Variants in TROAP observed in about 807,000 individuals in gnomAD.
The protein encoded by TROAP is trophinin associated protein, also known as tastin.
A neutral mutation model predicts 83.4 loss-of-function variants in TROAP; 62 were observed. The ratio of observed to expected loss-of-function variants is 0.74; its 90% confidence interval spans 0.61 to 0.92. The LOEUF (loss-of-function observed/expected upper bound fraction) is 0.92. Among genes scored for constraint, TROAP ranks in the 40% least tolerant of loss-of-function variants. The pLI is 0.00. For synonymous variants in TROAP, 352 were observed against 386.4 expected (o/e 0.91, Z 1.04); for missense variants, 876 against 985.1 (o/e 0.89, Z 1.48).
At chr12:49,323,458 C>G in intron 1 of TROAP, 109 bp downstream of exon 1, 1 of 1,056,402 alleles carries the variant, frequency 9.5e-7, no homozygotes. Flanking sequence ...GGAGATAGCA[C>G]CCATAAGAGC....
rs138169939 is a variant in TROAP at position 49,330,145 on chromosome 12, C to T, written c.1300C>T (p.Arg434Cys). The T allele has an allele frequency of 1.4e-5, 23 of 1,612,976 alleles. No homozygotes were observed. Among genetic ancestry groups the T allele is most frequent in the Middle Eastern group, 1.6e-4 (1 of 6,064 alleles). ...ACTGGGGTGCTCTCTCCCACCACAG[C>T]GCATCGGTATCCTGCAACAGCTGTT... ...TPSLQEVKIQ[R>C]IGILQQLLRQ... Residue 434 changes from arginine (R) to cysteine (C), a missense_variant and splice_region_variant, in exon 13 of 15, where the codon CGC (arginine) becomes TGC (cysteine). Coordinates refer to ENST00000257909, the MANE Select transcript of TROAP (RefSeq NM_005480.4).
At chr12:49,326,646 C>T in intron 6 of TROAP, 22 bp from the exon 7 acceptor site, 1 of 1,552,382 alleles carries the variant, frequency 6.4e-7, no homozygotes, top group Non-Finnish European at 8.7e-7. Context: ...TGACTGCTGG[C>T]TAATGTCCTT....
rs150889662 is a variant in TROAP at position 49,328,313 on chromosome 12, C to T, written c.892-614C>T. ...GATCTCCGCTCATTGCAACCTCTGC[C>T]TCCTGGGTTCAAGTGATTCTCCTGC... On this transcript the variant is annotated intron_variant, in intron 8 of 14. Coordinates refer to ENST00000257909, the MANE Select transcript of TROAP (RefSeq NM_005480.4). 3.9e-3 allele frequency among the ~76,000 whole-genome samples: 591 copies of T among 149,848 alleles called. 3 individuals are homozygous for T. The highest frequency in any genetic ancestry group is 0.014 in the African/African-American group (558 of 40,632).
In TROAP at chr12:49,323,697, C is replaced by A. The variant is rs376354528; in HGVS notation, c.89C>A (p.Thr30Lys). Residue 30 changes from threonine (T) to lysine (K), a missense_variant, in exon 2 of 15, where the codon ACG becomes AAG. Thr to Lys is a moderately conservative substitution (Grantham distance 78, BLOSUM62 -1). Transcript: ENST00000257909. ...ATTCCGGTACGCTCTCAGAAACGCA[C>A]GCCTTTCCCCACTGTTACATCGTGC... ...SKIPVRSQKRTPFPTVTSCAV... is the reference protein window; with the variant it reads ...SKIPVRSQKRKPFPTVTSCAV... 4 of 1,614,148 alleles carry A rather than the reference C, an allele frequency of 2.5e-6. No homozygotes were observed. The highest frequency in any genetic ancestry group is 2.5e-6 in the Non-Finnish European group (3 of 1,180,038).
At position 49,327,311 on chromosome 12, in the gene TROAP, G is replaced by C; in HGVS notation, c.872G>C (p.Arg291Pro). The C allele has an allele frequency of 6.2e-7, 1 of 1,614,042 alleles. No homozygotes were observed. The highest frequency in any genetic ancestry group is 8.5e-7 in the Non-Finnish European group (1 of 1,179,944). The change falls in exon 8 of 15, where the codon CGA becomes CCA. Residue 291 changes from arginine to proline, a missense_variant. Coordinates refer to ENST00000257909, the MANE Select transcript of TROAP (RefSeq NM_005480.4). ...LAQRVPLREN[R>P]EMSHTRDSHD... ...CAGCGAGTACCATTAAGAGAAAACC[G>C]AGAAATGTCACATACCAGGGTGAGA...
chr12:49,325,486 C>T lies in TROAP; in HGVS notation c.338-15C>T. The T allele has an allele frequency of 1.2e-6, 2 of 1,610,130 alleles. No homozygotes were observed. The highest frequency in any genetic ancestry group is 1.7e-6 in the Non-Finnish European group (2 of 1,178,032). On this transcript the variant is annotated splice_polypyrimidine_tract_variant and intron_variant, in intron 3 of 14. Transcript: ENST00000257909. ...AGCCTTCCCCCTTCCTTTTCCTTCTCCTCTTTCCTTGCAGAGGCTCCAGGG... is the reference window on the plus strand; with the variant it reads ...AGCCTTCCCCCTTCCTTTTCCTTCTTCTCTTTCCTTGCAGAGGCTCCAGGG...
rs201119814 is a variant in TROAP, at chr12:49,327,235, G to C, written c.796G>C (p.Glu266Gln). Residue 266 changes from glutamate to glutamine, a missense_variant, in exon 8 of 15, where the codon GAG (glutamate) becomes CAG (glutamine). By Grantham distance (29) the Glu-to-Gln change is conservative. Around this residue, in one of 3 missense-constraint regions of TROAP, gnomAD observed 689 missense variants for 722.6 expected, o/e 0.95. Coordinates refer to ENST00000257909, the MANE Select transcript of TROAP (RefSeq NM_005480.4). ...PAFSLPKGER[E>Q]VVTHSDEGGV... is the part of the protein sequence containing the mutation. ...TTTCTCTCTTCCTAAAGGAGAACGC[G>C]AGGTTGTCACTCACTCAGATGAAGG... The C allele has an allele frequency of 6.2e-7, 1 of 1,614,154 alleles. No homozygotes were observed. The highest frequency in any genetic ancestry group is 1.3e-5 in the African/African-American group (1 of 75,040).
rs375464662 is a variant in TROAP at position 49,329,821 on chromosome 12, C to T, written c.1165-36C>T. The stretch of plus-strand genomic sequence containing the variant: ...CAGGCTGGTCTTTCTCCTGCCCCAG[C>T]CTGGCTTGCTTGTGTGCCTTGTTCC... On this transcript the variant is annotated intron_variant, in intron 11 of 14. Coordinates refer to ENST00000257909, the MANE Select transcript of TROAP (RefSeq NM_005480.4). The surrounding 1 kb of genome is among the most constrained non-coding windows in gnomAD (Gnocchi z 4.5). 1.9e-5 allele frequency: 30 copies of T among 1,608,062 alleles called. No individual in the cohort carries two copies. The African/African-American group carries it at 3.5e-4, about 19-fold the overall frequency.
intron 6 of TROAP, 34 bp downstream of exon 6, chr12:49,326,192 T>C (rs1943498473): frequency 5.0e-6 from 8 of 1,602,278 alleles, no homozygotes; most frequent in Non-Finnish European, 6.8e-6. Context: ...GAAGGTCATC[T>C]GGAAAAGAAT....
chr12:49,325,591 G>T lies in TROAP; in HGVS notation c.428G>T (p.Arg143Leu), dbSNP rs371196627. 3 of 1,613,960 alleles carry T rather than the reference G, an allele frequency of 1.9e-6. No homozygotes were observed. Among genetic ancestry groups the T allele is most frequent in the Non-Finnish European group, 2.5e-6 (3 of 1,180,018 alleles). The part of the protein sequence containing the change: ...GEGVKSCHLG[R>L]QPSLAKRVLV... ...GGTGTGAAGAGCTGTCACCTGGGGC[G>T]CCAGCCTAGTCTGGCTAAAAGAGTA... Residue 143 changes from arginine to leucine, a missense_variant, in exon 4 of 15, where the codon CGC (arginine) becomes CTC (leucine). Coordinates refer to ENST00000257909, the MANE Select transcript of TROAP (RefSeq NM_005480.4).
In TROAP at chr12:49,330,242, T is replaced by C. The variant is rs1304143292; in HGVS notation, c.1397T>C (p.Val466Ala). 2 of 1,614,158 alleles carry C rather than the reference T, an allele frequency of 1.2e-6. No homozygotes were observed. The highest frequency in any genetic ancestry group is 1.3e-5 in the African/African-American group (1 of 75,026). The change falls in exon 13 of 15, where the codon GTT (valine) becomes GCT (alanine). Residue 466 changes from valine (V) to alanine (A), a missense_variant. Val to Ala is a moderately conservative substitution (Grantham distance 64, BLOSUM62 0). Coordinates refer to ENST00000257909, the MANE Select transcript of TROAP (RefSeq NM_005480.4). ...AATGGAGGCTCTTCTCTGGATATGG[T>C]TGAACTTCAGCCCCTGCTGACTGAG... ...PLNGGSSLDM[V>A]ELQPLLTEIS...
intron 8 of TROAP, among the ~76,000 whole-genome samples, chr12:49,328,006 G>A (rs143848085): frequency 5.8e-4 from 88 of 152,138 alleles, no homozygotes; most frequent in African/African-American, 2.0e-3. Context: ...GAGGGAATGT[G>A]CCTGGTGTGT....
At position 49,325,747 on chromosome 12, in the gene TROAP, G is replaced by C; in HGVS notation, c.496G>C (p.Gly166Arg). 4.3e-6 allele frequency: 7 copies of C among 1,613,652 alleles called. No individual in the cohort carries two copies. The highest frequency in any genetic ancestry group is 5.9e-6 in the Non-Finnish European group (7 of 1,179,826). ...CTGACAGCCTCTGTTGGTGTCCCAG[G>C]GTGTTCGGGCCTCTGCATATTTGGC... The part of the protein sequence containing the change: ...SQGGTTQRVQ[G>R]VRASAYLAPR... Residue 166 changes from glycine (G) to arginine (R), a missense_variant and splice_region_variant, in exon 5 of 15, where the codon GGT becomes CGT. Transcript: ENST00000257909.
chr12:49,326,787 G>C, intron 7 of TROAP, 67 bp downstream of exon 7: 1 of 1,522,246 alleles, frequency 6.6e-7, no homozygotes, highest in Non-Finnish European at 8.9e-7. Context: ...AACAAGACCA[G>C]AGAAAACTCA....
rs1396028926 is a variant in TROAP at position 49,330,305 on chromosome 12, G to A, written c.1460G>A (p.Gly487Glu). Residue 487 changes from glycine to glutamate, a missense_variant, in exon 13 of 15, where the codon GGG becomes GAG. Gly to Glu is a moderately conservative substitution (Grantham distance 98). Coordinates refer to ENST00000257909, the MANE Select transcript of TROAP (RefSeq NM_005480.4). ...RTLNATEHNS[G>E]TSHLPGLLKH... The stretch of plus-strand genomic sequence containing the variant: ...CTGAATGCCACAGAGCATAACTCTG[G>A]GACTTCCCACCTTCCTGGACTGTTA... 6.2e-7 allele frequency: 1 copy of A among 1,614,086 alleles called. No individual in the cohort carries two copies. The highest frequency in any genetic ancestry group is 1.7e-5 in the Admixed American group (1 of 60,020).
At position 49,326,713 on chromosome 12, in the gene TROAP, C is replaced by A; in HGVS notation, c.762C>A (p.Val254=). The part of the protein sequence containing the change: ...QASGLLLETP[V]QPAFSLPKGE... ...CAGGATTGCTCCTGGAGACCCCAGT[C>A]CAGCCTGGTAAGTGTTTCTGGCGTG... The change falls in exon 7 of 15, where the codon GTC becomes GTA. Residue 254 remains valine, a synonymous_variant. Coordinates refer to ENST00000257909, the MANE Select transcript of TROAP (RefSeq NM_005480.4). 6.4e-7 allele frequency: 1 copy of A among 1,562,250 alleles called. No homozygotes were observed. The highest frequency in any genetic ancestry group is 1.2e-5 in the South Asian group (1 of 84,846).
At position 49,330,824 on chromosome 12, in the gene TROAP, C is replaced by T. The variant is rs2137075032; in HGVS notation, c.1979C>T (p.Pro660Leu). The T allele has an allele frequency of 6.2e-7, 1 of 1,613,680 alleles. No individual in the cohort carries two copies. The highest frequency in any genetic ancestry group is 2.2e-5 in the East Asian group (1 of 44,878). The change falls in exon 13 of 15, where the codon CCC (proline) becomes CTC (leucine). Residue 660 changes from proline (P) to leucine (L), a missense_variant. Physicochemically the swap from Pro to Leu is moderately conservative, Grantham distance 98 (BLOSUM62 -3). Coordinates refer to ENST00000257909, the MANE Select transcript of TROAP (RefSeq NM_005480.4). ...AGAAGTCTAGAGTCCAGTCTACCAC[C>T]CTGCTGCAGTCAGTGGGCTCCAGCA... is the stretch of plus-strand genomic sequence containing the variant. ...EHRSLESSLPPCCSQWAPATT... is the reference protein window; with the variant it reads ...EHRSLESSLPLCCSQWAPATT...
chr12:49,325,081 T>G lies in TROAP; in HGVS notation c.338-420T>G, dbSNP rs149062598. On this transcript the variant is annotated intron_variant, in intron 3 of 14. Transcript: ENST00000257909. ...GCGCGCCACCAGGTCCAGCTAATTTTTTTTTGTTTTTGTTTTTTGTAGAGA... is the reference window on the plus strand; with the variant it reads ...GCGCGCCACCAGGTCCAGCTAATTTGTTTTTGTTTTTGTTTTTTGTAGAGA... 4.7e-3 allele frequency among the ~76,000 whole-genome samples: 708 copies of G among 151,942 alleles called. 9 individuals are homozygous for G. The highest frequency in any genetic ancestry group is 0.022 in the South Asian group (108 of 4,808).
rs11168976 is a variant in TROAP at position 49,329,653 on chromosome 12, C to G, written c.1164+199C>G. 4,182 of 984,678 alleles carry G rather than the reference C, an allele frequency of 4.2e-3. 117 individuals are homozygous for G. In the African/African-American group the frequency reaches 0.062, roughly 15 times the overall value. The allele number at this position is 984,678 out of a possible 1,614,324, so 61.0% of individuals were successfully genotyped here. A position where few individuals can be genotyped will look rare whatever the true frequency, so the allele number is the denominator to read the frequency against. ...CCAGCCTGGGCAACATAGTGAGACCCTGTCTCCACTAAAATTTTAAAAATT... is the reference window on the plus strand; with the variant it reads ...CCAGCCTGGGCAACATAGTGAGACCGTGTCTCCACTAAAATTTTAAAAATT... On this transcript the variant is annotated intron_variant, in intron 11 of 14. Coordinates refer to ENST00000257909, the MANE Select transcript of TROAP (RefSeq NM_005480.4). The surrounding 1 kb of genome is among the most constrained non-coding windows in gnomAD (Gnocchi z 4.5).
Sources: allele counts gnomAD v4.1 joint callset (sites outside exome capture counted in the v4.1 genomes callset), GRCh38; gene constraint gnomAD v4.1.1; regional missense constraint gnomAD v4.1.1; non-coding constraint Gnocchi (gnomAD v3.1); transcripts MANE v1.5; gene names NCBI Gene and HGNC (gene_info 2026-07-23, HGNC 2026-07-21).